DPH6: variants seen among roughly 807,000 people sequenced by gnomAD.
DPH6 encodes the protein diphthine--ammonia ligase.
A neutral mutation model predicts 38.2 loss-of-function variants in DPH6; 33 were observed. That is an observed-to-expected ratio of 0.86 (90% confidence interval 0.65 to 1.15). The LOEUF (loss-of-function observed/expected upper bound fraction) is 1.15. DPH6 is among the 50% of genes most tolerant of loss of function. DPH6 has a pLI of 0.00. For synonymous variants in DPH6, 108 were observed against 103.0 expected (o/e 1.05, Z -0.30); for missense variants, 325 against 320.0 (o/e 1.02, Z -0.12).
intron 3 of DPH6, among the ~76,000 whole-genome samples, chr15:35,332,703 T>C (rs1566872119): frequency 6.6e-6 from 1 of 152,074 alleles, no homozygotes; most frequent in Non-Finnish European, 1.5e-5. Flanking sequence ...ATAAAACATA[T>C]GGAGCCCTCA....
At chr15:35,387,233 T>C (rs971246035) in intron 6 of DPH6, among the ~76,000 whole-genome samples, 3 of 152,210 alleles carry the variant, frequency 2.0e-5, no homozygotes, top group Non-Finnish European at 2.9e-5. Flanking sequence ...CATGCTGTTT[T>C]GGTTACTGTA....
At chr15:35,289,449 A>T (rs1171033754) in intron 3 of DPH6, among the ~76,000 whole-genome samples, 1 of 152,202 alleles carries the variant, frequency 6.6e-6, no homozygotes, top group Non-Finnish European at 1.5e-5. Flanking sequence ...AGCACCGAAG[A>T]GCTTCTGTGA....
chr15:35,533,029 C>G (rs1252889319), intron 3 of DPH6, among the ~76,000 whole-genome samples: 1 of 151,834 alleles, frequency 6.6e-6, no homozygotes, highest in African/African-American at 2.4e-5. Flanking sequence ...ATTGCTTGAA[C>G]CTAGGAGGCG....
At chr15:35,163,261 G>T in the DPH6 span, among the ~76,000 whole-genome samples, 3 of 151,716 alleles carry the variant, frequency 2.0e-5, no homozygotes, top group Non-Finnish European at 4.4e-5. Flanking sequence ...CTTCCATAGA[G>T]CCCAAGTTTT....
At chr15:35,490,281 T>A in intron 3 of DPH6, 1 of 689,650 alleles carries the variant, frequency 1.5e-6, no homozygotes, top group Non-Finnish European at 1.8e-6. Flanking sequence ...AAGAGAGGTT[T>A]GTAGTAGACC....
chr15:35,492,129 T>A (rs914616286), intron 3 of DPH6, among the ~76,000 whole-genome samples: 3 of 152,068 alleles, frequency 2.0e-5, no homozygotes, highest in Non-Finnish European at 4.4e-5. Context: ...TTAGGAGTGC[T>A]GAGGGCAGGA....
chr15:35,317,248 A>G (rs995587199), intron 3 of DPH6, among the ~76,000 whole-genome samples: 1 of 149,826 alleles, frequency 6.7e-6, no homozygotes, highest in Non-Finnish European at 1.5e-5. Context: ...GGTGACAGAG[A>G]GAGACTCTGA....
intron 4 of DPH6, 43 bp from the exon 5 acceptor site, chr15:35,450,846 GT>G: frequency 6.9e-7 from 1 of 1,450,696 alleles, no homozygotes; most frequent in Non-Finnish European, 9.5e-7. Context: ...ATCTCTTAAT[GT>G]TTTATACTTG....
At position 35,401,440 on chromosome 15, in the gene DPH6, A is replaced by G. The variant is rs1595532675; in HGVS notation, c.567+9395T>C. 1.9e-5 allele frequency: 15 copies of G among 774,564 alleles called. No homozygotes were observed. The East Asian group carries it at 3.7e-4, about 19-fold the overall frequency. The allele number at this position is 774,564 out of a possible 1,614,324, so 48.0% of individuals were successfully genotyped here. On this transcript the variant is annotated intron_variant, in intron 6 of 8. Coordinates refer to ENST00000256538, the MANE Select transcript of DPH6 (RefSeq NM_080650.4). ...AAGCGGCCCTGGTTATTCTGGAGGA[A>G]GCAGGGGCTATGGAAGTGGTGGACA... is the stretch of plus-strand genomic sequence containing the variant.
At chr15:35,341,878 C>A (rs536939576) in intron 3 of DPH6, among the ~76,000 whole-genome samples, 2 of 152,192 alleles carry the variant, frequency 1.3e-5, no homozygotes, top group Non-Finnish European at 2.9e-5. Flanking sequence ...AGCAGCCTGG[C>A]TGCTTTTTGG....
intron 3 of DPH6, chr15:35,237,715 C>T: frequency 2.2e-5 from 36 of 1,613,926 alleles, no homozygotes; most frequent in Non-Finnish European, 3.1e-5. Context: ...ACCTGAACGA[C>T]TACCGAGAAA....
At chr15:35,512,363 GT>G (rs1473350594) in intron 3 of DPH6, among the ~76,000 whole-genome samples, 1 of 151,990 alleles carries the variant, frequency 6.6e-6, no homozygotes, top group Non-Finnish European at 1.5e-5. Flanking sequence ...GAAAAAAAAA[GT>G]TAAAATTAGC....
intron 3 of DPH6, among the ~76,000 whole-genome samples, chr15:35,321,465 G>A (rs1053966817): frequency 2.0e-5 from 3 of 152,234 alleles, no homozygotes; most frequent in Non-Finnish European, 4.4e-5. Flanking sequence ...TGTATTAATT[G>A]TGAGAACTGT....
chr15:35,238,054 T>C, intron 3 of DPH6: 1 of 1,561,216 alleles, frequency 6.4e-7, no homozygotes, highest in Non-Finnish European at 8.8e-7. Context: ...AGGGAGAAGA[T>C]GATGACTAAG....
chr15:35,312,248 C>T (rs1045597804), intron 3 of DPH6, among the ~76,000 whole-genome samples: 3 of 152,038 alleles, frequency 2.0e-5, no homozygotes, highest in Admixed American at 1.3e-4. Flanking sequence ...AAATTATTTG[C>T]TGAATGATTT....
At chr15:35,188,123 C>T in the DPH6 span, among the ~76,000 whole-genome samples, 2 of 152,174 alleles carry the variant, frequency 1.3e-5, no homozygotes, top group Non-Finnish European at 2.9e-5. Context: ...AACTGTCTCT[C>T]TAAAATAATA....
intron 5 of DPH6, among the ~76,000 whole-genome samples, chr15:35,417,118 G>C (rs976276269): frequency 6.6e-6 from 1 of 151,942 alleles, no homozygotes; most frequent in African/African-American, 2.4e-5. Context: ...TATAAAGATT[G>C]AATACTTAAT....
intron 3 of DPH6, among the ~76,000 whole-genome samples, chr15:35,341,813 C>T (rs183725418): frequency 5.2e-4 from 79 of 152,314 alleles, no homozygotes; most frequent in African/African-American, 1.9e-3. Flanking sequence ...CTGGAGATCC[C>T]TTTTGGGAGG....
At chr15:35,344,023 T>A (rs1466791145) in intron 3 of DPH6, among the ~76,000 whole-genome samples, 1 of 152,060 alleles carries the variant, frequency 6.6e-6, no homozygotes, top group African/African-American at 2.4e-5. Flanking sequence ...TTACCCTTCA[T>A]GTTTAATAAC....
Sources: gnomAD v4.1 joint callset for allele counts (sites outside exome capture counted in the v4.1 genomes callset) on GRCh38, gnomAD v4.1.1 for gene constraint, MANE v1.5 for transcripts, NCBI Gene and HGNC (gene_info 2026-07-23, HGNC 2026-07-21) for gene names.